Variants in TLL2 observed in about 807,000 individuals in gnomAD.
TLL2 encodes tolloid-like protein 2.
TLL2 carries 106 observed loss-of-function variants against 123.0 expected under a neutral mutation model. The observed-to-expected ratio is 0.86, with a 90% CI of 0.74 to 1.01. TLL2 has a LOEUF of 1.01. TLL2 is among the 50% of genes least tolerant of loss of function. The probability of loss-of-function intolerance (pLI) is 0.00; values close to 1 mark genes in which losing one functional copy is unlikely to be tolerated. For synonymous variants in TLL2, 494 were observed against 516.8 expected, an observed-to-expected ratio of 0.96 and a Z score of 0.60; for missense variants, 1,332 against 1,336.7, an observed-to-expected ratio of 1.00 and a Z score of 0.06.
At chr10:96,412,038 G>A (rs1564901834) in intron 8 of TLL2, among the ~76,000 whole-genome samples, 1 of 152,166 alleles carries the variant, frequency 6.6e-6, no homozygotes, top group Non-Finnish European at 1.5e-5. Flanking sequence ...TTTGGGAAGT[G>A]AGCAGCATAA....
At chr10:96,495,734 C>T (rs948408218) in intron 1 of TLL2, among the ~76,000 whole-genome samples, 1 of 152,040 alleles carries the variant, frequency 6.6e-6, no homozygotes, top group Non-Finnish European at 1.5e-5. Context: ...AGATGTGAAT[C>T]ACGCCTCCTG....
At chr10:96,505,848 T>G (rs1287014205) in intron 1 of TLL2, among the ~76,000 whole-genome samples, 1 of 152,210 alleles carries the variant, frequency 6.6e-6, no homozygotes, top group East Asian at 1.9e-4. Context: ...TGGTACCAAG[T>G]GCCTTCATAT....
chr10:96,395,337 C>G lies in TLL2; in HGVS notation c.1576G>C (p.Asp526His). 1 of 1,612,132 alleles carries G rather than the reference C, an allele frequency of 6.2e-7. No homozygotes were observed. The highest frequency in any genetic ancestry group is 8.5e-7 in the Non-Finnish European group (1 of 1,179,392). Residue 526 changes from aspartate to histidine, a missense_variant, in exon 13 of 21, where the codon GAT becomes CAT. Coordinates refer to ENST00000357947, the MANE Select transcript of TLL2 (RefSeq NM_012465.4). ...AGGGCACTCTCTTCCGTGGGGCCAT[C>G]CCGGACTTCCAGGTAGTCATATGCA... is the stretch of plus-strand genomic sequence containing the variant. Reference protein sequence around the residue: ...SCAYDYLEVRDGPTEESALIG... With the variant: ...SCAYDYLEVRHGPTEESALIG...
chr10:96,398,122 C>T (rs542992113), intron 10 of TLL2, among the ~76,000 whole-genome samples: 22 of 152,258 alleles, frequency 1.4e-4, no homozygotes, highest in African/African-American at 5.3e-4. Flanking sequence ...GCTCTTCAGG[C>T]AAAGTGTGGC....
intron 2 of TLL2, among the ~76,000 whole-genome samples, chr10:96,447,486 G>A (rs60133864): frequency 0.023 from 3,505 of 152,282 alleles, 130 homozygotes; most frequent in African/African-American, 0.078. Context: ...GGAGGTGCTG[G>A]GACCTGTCGT....
At chr10:96,429,147 C>A (rs72811105) in intron 4 of TLL2, among the ~76,000 whole-genome samples, 1 of 151,750 alleles carries the variant, frequency 6.6e-6, no homozygotes. Flanking sequence ...AAAGGATGTT[C>A]CAACAATTAA....
At chr10:96,435,344 C>A (rs910140534) in intron 3 of TLL2, among the ~76,000 whole-genome samples, 1 of 152,246 alleles carries the variant, frequency 6.6e-6, no homozygotes, top group East Asian at 1.9e-4. Flanking sequence ...TATAATTAGT[C>A]TTTATATATT....
At chr10:96,454,265 C>A (rs1235973100) in intron 2 of TLL2, among the ~76,000 whole-genome samples, 1 of 152,172 alleles carries the variant, frequency 6.6e-6, no homozygotes, top group African/African-American at 2.4e-5. Context: ...GCTGGGAGGG[C>A]TCTTCTGAGA....
chr10:96,482,130 C>A (rs557413682), intron 1 of TLL2, among the ~76,000 whole-genome samples: 1 of 152,038 alleles, frequency 6.6e-6, no homozygotes, highest in Non-Finnish European at 1.5e-5. Flanking sequence ...TGGTGGCGGG[C>A]GCCTGTAGTC....
chr10:96,422,415 A>G (rs1846633737), intron 6 of TLL2, 134 bp downstream of exon 6: 1 of 1,092,972 alleles, frequency 9.1e-7, no homozygotes, highest in Non-Finnish European at 1.3e-6. Context: ...GGGCCTGTAC[A>G]ACAGAGTCAT....
rs763666106 is a variant in TLL2, at chr10:96,395,215, T to A, written c.1698A>T (p.Lys566Asn). The change falls in exon 13 of 21, where the codon AAA (lysine) becomes AAT (asparagine). Residue 566 changes from lysine (K) to asparagine (N), a missense_variant. Lys to Asn is a moderately conservative substitution (Grantham distance 94, BLOSUM62 0). Coordinates refer to ENST00000357947, the MANE Select transcript of TLL2 (RefSeq NM_012465.4). ...MKFVSDGSINKAGFAANFFKE... is the reference protein window; with the variant it reads ...MKFVSDGSINNAGFAANFFKE... ...TGAAAAAATTGGCTGCAAAGCCCGC[T>A]TTATTGATAGAGCCATCGGACACAA... The A allele has an allele frequency of 5.0e-6, 8 of 1,608,178 alleles. No homozygotes were observed. In the South Asian group the frequency reaches 8.9e-5, roughly 18 times the overall value.
chr10:96,382,223 G>C (rs1352965913), intron 16 of TLL2, among the ~76,000 whole-genome samples: 3 of 152,234 alleles, frequency 2.0e-5, no homozygotes, highest in Admixed American at 6.5e-5. Context: ...TAGAGACGGG[G>C]TTTCACCACG....
intron 1 of TLL2, among the ~76,000 whole-genome samples, chr10:96,494,108 G>A (rs374723667): frequency 3.3e-5 from 5 of 152,320 alleles, no homozygotes; most frequent in Admixed American, 6.5e-5. Context: ...CTGGCCAGCC[G>A]GGGACAGCCC....
intron 4 of TLL2, 56 bp from the exon 5 acceptor site, chr10:96,428,804 T>A: frequency 8.2e-7 from 1 of 1,216,868 alleles, no homozygotes; most frequent in East Asian, 2.4e-5. Flanking sequence ...TTTCTTTAGA[T>A]GCTTTTTTTT....
chr10:96,492,349 C>T lies in TLL2; in HGVS notation c.176-11890G>A, dbSNP rs181024337. 2.7e-3 allele frequency among the ~76,000 whole-genome samples: 408 copies of T among 152,306 alleles called. 1 individual carries two copies. Among genetic ancestry groups the T allele is most frequent in the Middle Eastern group, 3.4e-3 (1 of 294 alleles). On this transcript the variant is annotated intron_variant, in intron 1 of 20. Coordinates refer to ENST00000357947, the MANE Select transcript of TLL2 (RefSeq NM_012465.4). Reference sequence around the variant, plus strand: ...ATTCCAAAATCAGATCCCTGCTAGGCGCCGTGGCTCACGCCTCTAATCCCA... The same window carrying T: ...ATTCCAAAATCAGATCCCTGCTAGGTGCCGTGGCTCACGCCTCTAATCCCA...
intron 1 of TLL2, among the ~76,000 whole-genome samples, chr10:96,501,465 C>A (rs975097066): frequency 6.6e-6 from 1 of 152,198 alleles, no homozygotes; most frequent in Non-Finnish European, 1.5e-5. Context: ...TTCTACAGAT[C>A]CTAAGCATCA....
At chr10:96,445,667 A>T (rs1458327603) in intron 3 of TLL2, among the ~76,000 whole-genome samples, 1 of 152,144 alleles carries the variant, frequency 6.6e-6, no homozygotes, top group Admixed American at 6.5e-5. Flanking sequence ...CTCACGATCC[A>T]TGCACAAGGC....
chr10:96,422,648 C>T lies in TLL2; in HGVS notation c.718G>A (p.Val240Met), dbSNP rs746552612. Reference sequence around the variant, plus strand: ...ACCACATGGCCCAGCTCGTGAGCCACAATGCCAAACTTGTCACAGTTCTTC... The same window carrying T: ...ACCACATGGCCCAGCTCGTGAGCCATAATGCCAAACTTGTCACAGTTCTTC... Reference protein sequence around the residue: ...IGKNCDKFGIVAHELGHVVGF... With the variant: ...IGKNCDKFGIMAHELGHVVGF... The change falls in exon 6 of 21, where the codon GTG becomes ATG. Residue 240 changes from valine to methionine, a missense_variant. Val to Met is a conservative substitution (Grantham distance 21). Transcript: ENST00000357947. 6.2e-7 allele frequency: 1 copy of T among 1,614,216 alleles called. No individual in the cohort carries two copies. Among genetic ancestry groups the T allele is most frequent in the South Asian group, 1.1e-5 (1 of 91,084 alleles).
In TLL2 at chr10:96,481,862, T is replaced by A. The variant is rs549450834; in HGVS notation, c.176-1403A>T. Among the ~76,000 whole-genome samples the A allele has an allele frequency of 5.9e-4, 90 of 152,190 alleles. No homozygotes were observed. The South Asian group carries it at 0.018, about 31-fold the overall frequency. ...GGAAGAGCTAACCTATCCTCATAAC[T>A]ACAGAAAAAAAGAAAGCTGAGAACT... On this transcript the variant is annotated intron_variant, in intron 1 of 20. Coordinates refer to ENST00000357947, the MANE Select transcript of TLL2 (RefSeq NM_012465.4).
Sources: gnomAD v4.1 joint callset for allele counts (sites outside exome capture counted in the v4.1 genomes callset) on GRCh38, gnomAD v4.1.1 for gene constraint, MANE v1.5 for transcripts, NCBI Gene and HGNC (gene_info 2026-07-23, HGNC 2026-07-21) for gene names.